Variants in NUP210 observed in about 807,000 individuals in gnomAD.
NUP210 encodes nucleoporin 210, also known as nuclear pore membrane glycoprotein 210.
NUP210 carries 151 observed loss-of-function variants against 196.0 expected under a neutral mutation model. The ratio of observed to expected loss-of-function variants is 0.77; its 90% confidence interval spans 0.67 to 0.88. The LOEUF is 0.88. NUP210 is among the 40% of genes least tolerant of loss of function. The pLI, the probability that NUP210 is intolerant of heterozygous loss-of-function variation, is 0.00. For synonymous variants in NUP210, 1,070 were observed against 1,052.7 expected (o/e 1.02, Z -0.32); for missense variants, 2,314 against 2,493.7 (o/e 0.93, Z 1.53).
chr3:13,377,683 C>A (rs1698962061), intron 8 of NUP210, 121 bp from the exon 9 acceptor site: 3 of 675,098 alleles, frequency 4.4e-6, no homozygotes, highest in Non-Finnish European at 7.6e-6. Context: ...CCACTCCACC[C>A]ACCTGCAGGC....
At position 13,401,490 on chromosome 3, in the gene NUP210, G is replaced by A. The variant is rs573868182; in HGVS notation, c.168-1629C>T. On this transcript the variant is annotated intron_variant, in intron 1 of 39. Transcript: ENST00000254508. ...AAATGAGCTGCATCCATCAGTGAAGGAAAGCAATCTACACCCCGGAGGAAG... is the reference window on the plus strand; with the variant it reads ...AAATGAGCTGCATCCATCAGTGAAGAAAAGCAATCTACACCCCGGAGGAAG... Among the ~76,000 whole-genome samples the A allele has an allele frequency of 4.6e-5, 7 of 151,092 alleles. No individual in the cohort carries two copies. In the East Asian group the frequency reaches 1.4e-3, roughly 30 times the overall value.
chr3:13,349,258 C>T (rs1697880620), intron 20 of NUP210, among the ~76,000 whole-genome samples: 1 of 152,236 alleles, frequency 6.6e-6, no homozygotes, highest in East Asian at 1.9e-4. Context: ...CCTCCAAGAT[C>T]ACAGGACTCC....
At chr3:13,414,200 C>T (rs1008738256) in intron 1 of NUP210, among the ~76,000 whole-genome samples, 2 of 152,268 alleles carry the variant, frequency 1.3e-5, no homozygotes, top group African/African-American at 4.8e-5. Context: ...GTGGATGACA[C>T]ACGCCACCTC....
chr3:13,365,203 C>T (rs1004827296), intron 14 of NUP210, among the ~76,000 whole-genome samples: 4 of 152,194 alleles, frequency 2.6e-5, no homozygotes, highest in African/African-American at 9.7e-5. Context: ...CTTTTTTATC[C>T]GTGTATAATA....
chr3:13,390,763 G>A lies in NUP210; in HGVS notation c.533+448C>T, dbSNP rs187745727. On this transcript the variant is annotated intron_variant, in intron 4 of 39. Coordinates refer to ENST00000254508, the MANE Select transcript of NUP210 (RefSeq NM_024923.4). ...GATGACACAGGTCAAGATGCTTAAG[G>A]TGTCCGCCTCACAACTGGTCTTACT... Among the ~76,000 whole-genome samples, 645 of 152,342 alleles carry A rather than the reference G, an allele frequency of 4.2e-3. 2 individuals carry two copies. Among genetic ancestry groups the A allele is most frequent in the Non-Finnish European group, 6.7e-3 (458 of 68,034 alleles).
intron 3 of NUP210, among the ~76,000 whole-genome samples, chr3:13,392,409 A>C (rs576496329): frequency 2.0e-5 from 3 of 152,306 alleles, no homozygotes; most frequent in Admixed American, 6.5e-5. Flanking sequence ...CCCATCTATG[A>C]TGTACATATA....
chr3:13,359,862 T>C (rs1698310591), intron 15 of NUP210, among the ~76,000 whole-genome samples: 1 of 152,198 alleles, frequency 6.6e-6, no homozygotes, highest in African/African-American at 2.4e-5. Context: ...AAAAAAAATA[T>C]TGTGATTTCC....
chr3:13,317,899 C>T (rs1696337566), intron 39 of NUP210, 118 bp from the exon 40 acceptor site: 2 of 685,500 alleles, frequency 2.9e-6, no homozygotes, highest in South Asian at 3.7e-5. Flanking sequence ...CAGTGATGCC[C>T]CGAGGCCTCC....
At chr3:13,374,056 TTCAC>T (rs1334787231) in intron 11 of NUP210, among the ~76,000 whole-genome samples, 183 bp from the exon 12 acceptor site, 1 of 151,856 alleles carries the variant, frequency 6.6e-6, no homozygotes. Context: ...TACTTGCCCA[TTCAC>T]TCACACACTC....
chr3:13,343,223 G>T lies in NUP210; in HGVS notation c.2916C>A (p.Val972=), dbSNP rs763268386. The T allele has an allele frequency of 6.2e-7, 1 of 1,612,698 alleles. No homozygotes were observed. Among genetic ancestry groups the T allele is most frequent in the Non-Finnish European group, 8.5e-7 (1 of 1,179,212 alleles). Residue 972 remains valine (V), a synonymous_variant, in exon 21 of 40, where the codon GTC becomes GTA. Transcript: ENST00000254508. The part of the protein sequence containing the change: ...CLVFPAPAKA[V]VYVSDIQELY... Reference sequence around the variant, plus strand: ...GCTCCTGAATGTCCGACACGTAAACGACAGCCTTGGCTGGGGCCGGGAAGA... The same window carrying T: ...GCTCCTGAATGTCCGACACGTAAACTACAGCCTTGGCTGGGGCCGGGAAGA...
chr3:13,383,391 T>TCA, intron 6 of NUP210, among the ~76,000 whole-genome samples: 1 of 152,248 alleles, frequency 6.6e-6, no homozygotes, highest in Admixed American at 6.5e-5. Flanking sequence ...AGGGCATCTT[T>TCA]CATGTGCTCC....
Position 13,323,260 on chromosome 3 carries a change from TC to T in NUP210, c.4768+48del. The T allele has an allele frequency of 6.2e-7, 1 of 1,610,066 alleles. No homozygotes were observed. Among genetic ancestry groups the T allele is most frequent in the East Asian group, 2.2e-5 (1 of 44,784 alleles). On this transcript the variant is annotated intron_variant, in intron 34 of 39. Transcript: ENST00000254508. This position sits in a 1 kb window ranked among gnomAD's most constrained non-coding sequence, Gnocchi z 4.3. The stretch of plus-strand genomic sequence containing the variant: ...CATCCAGAGGACACAGGAAGCCACC[TC>T]CCCGCTCCCAGGTACTCTGAAGACA...
At position 13,348,564 on chromosome 3, in the gene NUP210, AT is replaced by A; in HGVS notation, c.2835+3314del. Reference sequence around the variant, plus strand: ...CATATGTCAAGCAGTCAGAATTAAGATGTAAGATTCTCTTCACTCGCATGGC... The same window carrying A: ...CATATGTCAAGCAGTCAGAATTAAGAGTAAGATTCTCTTCACTCGCATGGC... On this transcript the variant is annotated intron_variant, in intron 20 of 39. Transcript: ENST00000254508. This position sits in a 1 kb window ranked among gnomAD's most constrained non-coding sequence, Gnocchi z 4.0. 1 of 985,438 alleles carries A rather than the reference AT, an allele frequency of 1.0e-6. No individual in the cohort carries two copies. Among genetic ancestry groups the A allele is most frequent in the Non-Finnish European group, 1.2e-6 (1 of 829,918 alleles). The allele number at this position is 985,438 out of a possible 1,614,324, so 61.0% of individuals were successfully genotyped here. A position where few individuals can be genotyped will look rare whatever the true frequency, so the allele number is the denominator to read the frequency against.
chr3:13,364,757 G>A (rs1448076001), intron 14 of NUP210, among the ~76,000 whole-genome samples: 2 of 152,210 alleles, frequency 1.3e-5, no homozygotes, highest in African/African-American at 4.8e-5. Context: ...AACCCTGGAA[G>A]GCAATGGTTG....
At chr3:13,388,527 T>G in intron 4 of NUP210, 74 bp from the exon 5 acceptor site, 1 of 1,460,126 alleles carries the variant, frequency 6.8e-7, no homozygotes. Flanking sequence ...TACCACAGCA[T>G]TCCCTATCAG....
At chr3:13,342,888 A>G (rs562870709) in intron 21 of NUP210, among the ~76,000 whole-genome samples, 18 of 152,364 alleles carry the variant, frequency 1.2e-4, no homozygotes, top group African/African-American at 4.1e-4. Context: ...AACCTACACC[A>G]GCCAGAAGAC....
Position 13,323,399 on chromosome 3 carries a change from G to A in NUP210, c.4678C>T (p.Arg1560Cys), listed in dbSNP as rs751776029. The A allele has an allele frequency of 4.3e-5, 70 of 1,613,972 alleles. No homozygotes were observed. The East Asian group carries it at 5.8e-4, about 13-fold the overall frequency. The change falls in exon 34 of 40, where the codon CGT (arginine) becomes TGT (cysteine). Residue 1560 changes from arginine (R) to cysteine (C), a missense_variant. Coordinates refer to ENST00000254508, the MANE Select transcript of NUP210 (RefSeq NM_024923.4). This position sits in a 1 kb window ranked among gnomAD's most constrained non-coding sequence, Gnocchi z 4.3. ...VVSVPQRIMA[R>C]HLHPIQTSFQ... ...CTGGTCTGGATGGGGTGGAGGTGAC[G>A]GGCCATGATCCTCTGAGGGACGCTG...
intron 30 of NUP210, 87 bp downstream of exon 30, chr3:13,330,373 G>T: frequency 1.6e-6 from 2 of 1,275,870 alleles, no homozygotes; most frequent in South Asian, 2.8e-5. Context: ...GCTGGAAGGT[G>T]AACGTATTCA....
In NUP210 at chr3:13,332,695, C is replaced by T. The variant is rs1023881408; in HGVS notation, c.3844-311G>A. Among the ~76,000 whole-genome samples, 4 of 151,640 alleles carry T rather than the reference C, an allele frequency of 2.6e-5. No individual in the cohort carries two copies. The East Asian group carries it at 7.8e-4, about 29-fold the overall frequency. On this transcript the variant is annotated intron_variant, in intron 28 of 39. Coordinates refer to ENST00000254508, the MANE Select transcript of NUP210 (RefSeq NM_024923.4). ...TACTTGGGAGGCTGAGGCTTGCACT[C>T]CAGTCTGAGCAACAGAGCAAGACCC...
Sources: gnomAD v4.1 joint callset for allele counts (sites outside exome capture counted in the v4.1 genomes callset) on GRCh38, gnomAD v4.1.1 for gene constraint, Gnocchi (gnomAD v3.1) non-coding constraint, MANE v1.5 for transcripts, NCBI Gene and HGNC (gene_info 2026-07-23, HGNC 2026-07-21) for gene names.